The following PACRG variants were observed in gnomAD, a reference collection of about 807,000 sequenced individuals.
The protein encoded by PACRG is parkin coregulated.
PACRG carries 29 observed loss-of-function variants against 29.7 expected under a neutral mutation model. The ratio of observed to expected loss-of-function variants is 0.98; its 90% CI spans 0.73 to 1.33. The LOEUF (loss-of-function observed/expected upper bound fraction) is 1.33. Among genes scored for constraint, PACRG ranks in the 40% most tolerant of loss-of-function variants. The pLI is 0.00. For synonymous variants in PACRG, 116 were observed against 118.7 expected (o/e 0.98, Z 0.15); for missense variants, 279 against 316.2 (o/e 0.88, Z 0.89).
intron 4 of PACRG, among the ~76,000 whole-genome samples, chr6:163,248,941 G>A (rs144516461): frequency 5.3e-5 from 8 of 150,272 alleles, no homozygotes; most frequent in South Asian, 2.1e-4. Flanking sequence ...GCGTGAACCC[G>A]GGAGGCAGAA....
chr6:162,982,789 G>C (rs1380814162), intron 2 of PACRG, among the ~76,000 whole-genome samples: 1 of 151,954 alleles, frequency 6.6e-6, no homozygotes, highest in African/African-American at 2.4e-5. Flanking sequence ...CAGTTGTTGG[G>C]TAGAATGTTC....
intron 4 of PACRG, among the ~76,000 whole-genome samples, chr6:163,104,861 C>T (rs1361292185): frequency 1.3e-5 from 2 of 152,080 alleles, no homozygotes; most frequent in Admixed American, 1.3e-4. Context: ...AATTACCTTG[C>T]CAAATTGATA....
intron 3 of PACRG, among the ~76,000 whole-genome samples, chr6:163,082,161 C>T (rs757037612): frequency 7.2e-5 from 11 of 151,980 alleles, no homozygotes; most frequent in African/African-American, 2.7e-4. Flanking sequence ...CAAATAACAA[C>T]AAAATATAGA....
intron 4 of PACRG, among the ~76,000 whole-genome samples, chr6:163,300,318 A>C (rs1784940942): frequency 6.6e-6 from 1 of 152,230 alleles, no homozygotes; most frequent in African/African-American, 2.4e-5. Flanking sequence ...TGTCTACCCC[A>C]TCCCAAAGGG....
intron 4 of PACRG, among the ~76,000 whole-genome samples, chr6:163,123,858 A>C (rs887118334): frequency 2.4e-4 from 36 of 152,216 alleles, no homozygotes; most frequent in African/African-American, 8.4e-4. Flanking sequence ...ATAGTATTCT[A>C]CTATATGCAT....
At chr6:163,071,586 G>GA (rs1160962017) in intron 3 of PACRG, among the ~76,000 whole-genome samples, 1 of 147,584 alleles carries the variant, frequency 6.8e-6, no homozygotes, top group African/African-American at 2.5e-5. Flanking sequence ...CATCAAAAAA[G>GA]AAAAACTTGA....
intron 4 of PACRG, among the ~76,000 whole-genome samples, chr6:163,184,620 T>TA (rs1211470014): frequency 6.6e-6 from 1 of 152,212 alleles, no homozygotes; most frequent in Non-Finnish European, 1.5e-5. Context: ...CTAATTGTTC[T>TA]AAGTGGTACA....
intron 2 of PACRG, among the ~76,000 whole-genome samples, chr6:163,035,247 T>C (rs1019612851): frequency 6.6e-6 from 1 of 152,216 alleles, no homozygotes; most frequent in African/African-American, 2.4e-5. Context: ...GCACAGTGGC[T>C]CATGCCCATA....
intron 2 of PACRG, among the ~76,000 whole-genome samples, chr6:162,912,332 C>A: frequency 6.6e-6 from 1 of 152,114 alleles, no homozygotes; most frequent in East Asian, 1.9e-4. Context: ...TTGAAGTCTT[C>A]TTAGGGGTCT....
chr6:163,078,006 G>A (rs73786950), intron 3 of PACRG, among the ~76,000 whole-genome samples: 6,285 of 152,224 alleles, frequency 0.041, 402 homozygotes, highest in African/African-American at 0.14. Context: ...TTTTCAAGCC[G>A]AATCCGCCGT....
intron 2 of PACRG, among the ~76,000 whole-genome samples, chr6:162,845,656 G>A (rs950354095): frequency 5.3e-5 from 8 of 152,064 alleles, no homozygotes; most frequent in African/African-American, 1.9e-4. Flanking sequence ...CACTGCAGAC[G>A]TCATGCCAGT....
intron 4 of PACRG, among the ~76,000 whole-genome samples, chr6:163,121,293 A>G (rs1816254571): frequency 6.6e-6 from 1 of 152,218 alleles, no homozygotes; most frequent in African/African-American, 2.4e-5. Flanking sequence ...TTCCTTAAGC[A>G]GGACTGTCAG....
chr6:162,963,557 A>T (rs1800800236), intron 2 of PACRG, among the ~76,000 whole-genome samples: 2 of 150,450 alleles, frequency 1.3e-5, no homozygotes, highest in Admixed American at 6.6e-5. Context: ...TTTACACATT[A>T]TTGTGTAATA....
At position 163,112,652 on chromosome 6, in the gene PACRG, A is replaced by C. The variant is rs192643249; in HGVS notation, c.613+23244A>C. On this transcript the variant is annotated intron_variant, in intron 4 of 4. Coordinates refer to ENST00000366888, the MANE Select transcript of PACRG (RefSeq NM_001080379.2). ...AAAGGCAACTAGAAAGTCACTATGC[A>C]TGCCCAAGGAAAGGCACAGGCCTAA... Among the ~76,000 whole-genome samples the C allele has an allele frequency of 2.0e-5, 3 of 152,324 alleles. No individual in the cohort carries two copies. In the East Asian group the frequency reaches 5.8e-4, roughly 29 times the overall value.
In PACRG at chr6:163,089,269, C is replaced by A; in HGVS notation, c.474C>A (p.Asn158Lys). ...QLIIPIKNALNLRNRQVICVT... is the reference protein window; with the variant it reads ...QLIIPIKNALKLRNRQVICVT... The stretch of plus-strand genomic sequence containing the variant: ...TCTTTTACCATATAGATGCCTTGAA[C>A]CTCCGAAACCGACAGGTCATCTGTG... The change falls in exon 4 of 5, where the codon AAC becomes AAA. Residue 158 changes from asparagine (N) to lysine (K), a missense_variant. By Grantham distance (94) the Asn-to-Lys change is moderately conservative. Transcript: ENST00000366888. 2 of 1,613,704 alleles carry A rather than the reference C, an allele frequency of 1.2e-6. No homozygotes were observed. Among genetic ancestry groups the A allele is most frequent in the African/African-American group, 1.3e-5 (1 of 75,004 alleles).
At chr6:163,216,159 T>C (rs906070425) in intron 4 of PACRG, among the ~76,000 whole-genome samples, 2 of 152,252 alleles carry the variant, frequency 1.3e-5, no homozygotes, top group East Asian at 1.9e-4. Flanking sequence ...TGTTGTCTAA[T>C]AGAGAGCTGG....
chr6:163,151,150 G>T (rs1778072967), intron 4 of PACRG, among the ~76,000 whole-genome samples: 2 of 152,148 alleles, frequency 1.3e-5, no homozygotes, highest in African/African-American at 4.8e-5. Context: ...ATTTGCAAAA[G>T]AATATACAGA....
intron 2 of PACRG, among the ~76,000 whole-genome samples, chr6:162,883,576 G>A (rs920696221): frequency 4.6e-5 from 7 of 151,562 alleles, no homozygotes; most frequent in African/African-American, 1.5e-4. Flanking sequence ...TAATTTTATC[G>A]GTTTTTAAAA....
chr6:163,182,752 T>C (rs893581208), intron 4 of PACRG: 1 of 152,252 alleles, frequency 6.6e-6, no homozygotes, highest in African/African-American at 2.4e-5. Flanking sequence ...CACAATTTTA[T>C]AGACAAGGAA....
Sources: gnomAD v4.1 joint callset for allele counts (sites outside exome capture counted in the v4.1 genomes callset) on GRCh38, gnomAD v4.1.1 for gene constraint, MANE v1.5 for transcripts, NCBI Gene and HGNC (gene_info 2026-07-23, HGNC 2026-07-21) for gene names.